The following RPL24 variants were observed in gnomAD, a reference collection of about 807,000 sequenced individuals.
RPL24 encodes ribosomal protein L24, also known as large ribosomal subunit protein eL24.
Under a neutral mutation model 26.4 loss-of-function variants are expected in RPL24, and 7 were observed. The ratio of observed to expected loss-of-function variants is 0.27; its 90% CI spans 0.15 to 0.50. RPL24 has a LOEUF of 0.50. Ranked by LOEUF, RPL24 falls within the 20% of genes least tolerant of loss-of-function variation. The pLI is 0.98. For synonymous variants in RPL24, 67 were observed against 65.2 expected (o/e 1.03, Z -0.13); for missense variants, 109 against 194.9 (o/e 0.56, Z 2.62).
rs1247273481 is a variant in RPL24 at position 101,683,795 on chromosome 3, G to A, written c.193-888C>T. 4.1e-5 allele frequency among the ~76,000 whole-genome samples: 6 copies of A among 146,626 alleles called. No homozygotes were observed. The East Asian group carries it at 8.4e-4, about 20-fold the overall frequency. On this transcript the variant is annotated intron_variant, in intron 3 of 5. Transcript: ENST00000394077. ...ATGATCTTGGCTCACTGCAACCTCC[G>A]CCTCCACCTCCGGGGTTCAAGCAAT...
chr3:101,686,646 G>T (rs371655306), intron 1 of RPL24, 26 bp downstream of exon 1: 4 of 1,614,108 alleles, frequency 2.5e-6, no homozygotes, highest in Non-Finnish European at 3.4e-6. Flanking sequence ...GATGTAAGCG[G>T]ATTGGGAACC....
chr3:101,686,461 G>A lies in RPL24; in HGVS notation c.81+21C>T, dbSNP rs1442689421. 6 of 1,609,862 alleles carry A rather than the reference G, an allele frequency of 3.7e-6. No individual in the cohort carries two copies. In the Admixed American group the frequency reaches 6.7e-5, roughly 18 times the overall value. ...CTCCTCGGAGTACAAGAAGGTAGGT[G>A]AAGCCGACGCGGCTTTTTACCTTCC... is the stretch of plus-strand genomic sequence containing the variant. On this transcript the variant is annotated intron_variant, in intron 2 of 5. Coordinates refer to ENST00000394077, the MANE Select transcript of RPL24 (RefSeq NM_000986.4).
At chr3:101,682,272 A>C in intron 5 of RPL24, 157 bp downstream of exon 5, 1 of 653,334 alleles carries the variant, frequency 1.5e-6, no homozygotes, top group Non-Finnish European at 2.8e-6. Flanking sequence ...AGGCTGAGGC[A>C]GGAGTATCAC....
chr3:101,686,228 C>T, intron 2 of RPL24: 1 of 584,496 alleles, frequency 1.7e-6, no homozygotes, highest in Non-Finnish European at 3.0e-6. Context: ...AAGGGTACCT[C>T]CGTACCTCAG....
At chr3:101,684,245 A>AC (rs1937300748) in intron 3 of RPL24, among the ~76,000 whole-genome samples, 1 of 150,374 alleles carries the variant, frequency 6.7e-6, no homozygotes, top group Non-Finnish European at 1.5e-5. Flanking sequence ...GCTCACTGCA[A>AC]CCCCCCACTT....
At chr3:101,681,477 C>A in intron 5 of RPL24, 2 of 424,122 alleles carry the variant, frequency 4.7e-6, no homozygotes, top group South Asian at 3.1e-5. Flanking sequence ...TGCATCCTAA[C>A]AGAAACTCAC....
At chr3:101,683,018 T>G in intron 3 of RPL24, 111 bp from the exon 4 acceptor site, 1 of 933,548 alleles carries the variant, frequency 1.1e-6, no homozygotes, top group Non-Finnish European at 1.6e-6. Flanking sequence ...AGATTCATAT[T>G]CAACAAAAAA....
intron 3 of RPL24, among the ~76,000 whole-genome samples, chr3:101,683,600 G>T (rs1441567723): frequency 7.4e-6 from 1 of 135,004 alleles, no homozygotes; most frequent in Admixed American, 7.4e-5. Context: ...ACAGTAAATG[G>T]CAGTATTTAC....
chr3:101,682,289 C>T, intron 5 of RPL24, 140 bp downstream of exon 5: 1 of 705,292 alleles, frequency 1.4e-6, no homozygotes, highest in South Asian at 1.6e-5. Context: ...TCACTTGAAC[C>T]CGGGAGGCAG....
chr3:101,681,327 C>T (rs1229332925), intron 5 of RPL24, 112 bp from the exon 6 acceptor site: 4 of 724,060 alleles, frequency 5.5e-6, no homozygotes, highest in South Asian at 1.6e-5. Context: ...AGTAATTTAA[C>T]TGCATTCCTA....
At position 101,682,509 on chromosome 3, in the gene RPL24, AC is replaced by A; in HGVS notation, c.330-18del. ...TTAGCAGCCCTGTGGGGTAAAAGTA[AC>A]TTAAGGCAAAAGCACTTTACTCCTT... is the stretch of plus-strand genomic sequence containing the variant. On this transcript the variant is annotated intron_variant, in intron 4 of 5. Coordinates refer to ENST00000394077, the MANE Select transcript of RPL24 (RefSeq NM_000986.4). 1 of 1,607,644 alleles carries A rather than the reference AC, an allele frequency of 6.2e-7. No individual in the cohort carries two copies.
intron 5 of RPL24, chr3:101,681,497 C>A (rs969576865): frequency 2.5e-6 from 1 of 395,870 alleles, no homozygotes; most frequent in South Asian, 3.1e-5. Context: ...CAGAAAAGAT[C>A]TCAGTAACAG....
At chr3:101,681,309 A>C in intron 5 of RPL24, 94 bp from the exon 6 acceptor site, 1 of 834,896 alleles carries the variant, frequency 1.2e-6, no homozygotes, top group Non-Finnish European at 2.0e-6. Flanking sequence ...AGCTTAGATC[A>C]CTTTCTTAGT....
chr3:101,682,331 A>T, intron 5 of RPL24, 98 bp downstream of exon 5: 1 of 946,398 alleles, frequency 1.1e-6, no homozygotes, highest in Non-Finnish European at 1.7e-6. Flanking sequence ...AGATCACGCC[A>T]CTGCACCCCA....
intron 5 of RPL24, chr3:101,681,604 G>A (rs890830085): frequency 1.2e-5 from 2 of 165,952 alleles, no homozygotes; most frequent in African/African-American, 2.4e-5. Flanking sequence ...CCAACACTTC[G>A]GGGTGCTAAA....
At chr3:101,685,487 T>A (rs1442328024) in intron 3 of RPL24, among the ~76,000 whole-genome samples, 1 of 152,208 alleles carries the variant, frequency 6.6e-6, no homozygotes, top group Non-Finnish European at 1.5e-5. Flanking sequence ...ACTGGCTATG[T>A]TAGGACTAAT....
At chr3:101,685,228 A>C (rs2108340882) in intron 3 of RPL24, among the ~76,000 whole-genome samples, 1 of 151,980 alleles carries the variant, frequency 6.6e-6, no homozygotes, top group Non-Finnish European at 1.5e-5. Context: ...TCCACTTTTA[A>C]GTTTCTCCTT....
At chr3:101,682,709 G>T in intron 4 of RPL24, 62 bp downstream of exon 4, 1 of 1,521,554 alleles carries the variant, frequency 6.6e-7, no homozygotes. Flanking sequence ...TTTAATTACT[G>T]AAGACCCAAA....
chr3:101,686,123 C>G, intron 2 of RPL24, 195 bp from the exon 3 acceptor site: 1 of 578,960 alleles, frequency 1.7e-6, no homozygotes, highest in Non-Finnish European at 3.1e-6. Context: ...TGCGTTTAGT[C>G]TTTTCTCGAG....
Sources: allele counts gnomAD v4.1 joint callset (sites outside exome capture counted in the v4.1 genomes callset), GRCh38; gene constraint gnomAD v4.1.1; transcripts MANE v1.5; gene names NCBI Gene and HGNC (gene_info 2026-07-23, HGNC 2026-07-21).